LRFN2: variants seen among roughly 807,000 people sequenced by gnomAD.
LRFN2 encodes the protein leucine rich repeat and fibronectin type III domain containing 2, also known as leucine-rich repeat and fibronectin type-III domain-containing protein 2.
In LRFN2, 18 loss-of-function variants were observed where a neutral mutation model predicts 37.3. The observed-to-expected ratio is 0.48, with a 90% confidence interval of 0.33 to 0.72. The LOEUF (loss-of-function observed/expected upper bound fraction) is 0.72. Among genes scored for constraint, LRFN2 ranks in the 30% least tolerant of loss-of-function variants. The pLI, the probability that LRFN2 is intolerant of heterozygous loss-of-function variation, is 0.02. For missense variants in LRFN2, 1,006 were observed against 1,060.7 expected, an observed-to-expected ratio of 0.95 and a Z score of 0.72; for synonymous variants, 556 against 466.6, an observed-to-expected ratio of 1.19 and a Z score of -2.47.
chr6:40,533,395 A>T (rs2113910801), intron 1 of LRFN2, among the ~76,000 whole-genome samples: 1 of 151,874 alleles, frequency 6.6e-6, no homozygotes, highest in East Asian at 1.9e-4. Flanking sequence ...ACACACACAC[A>T]CACACACACA....
chr6:40,394,167 C>A (rs1762569472), intron 2 of LRFN2, among the ~76,000 whole-genome samples: 2 of 152,128 alleles, frequency 1.3e-5, no homozygotes, highest in South Asian at 4.1e-4. Flanking sequence ...CCTCTCCTGC[C>A]TGGAACTCCT....
At chr6:40,562,470 G>C (rs1355712077) in intron 1 of LRFN2, among the ~76,000 whole-genome samples, 1 of 151,998 alleles carries the variant, frequency 6.6e-6, no homozygotes, top group Non-Finnish European at 1.5e-5. Context: ...AAGGGAGGGG[G>C]AGAGAAGGGA....
At chr6:40,403,575 T>C (rs2113798932) in intron 2 of LRFN2, among the ~76,000 whole-genome samples, 1 of 152,286 alleles carries the variant, frequency 6.6e-6, no homozygotes, top group East Asian at 1.9e-4. Flanking sequence ...TTCCTTTCAA[T>C]ATGATTGAGG....
intron 1 of LRFN2, among the ~76,000 whole-genome samples, chr6:40,520,494 T>C (rs1766029600): frequency 2.6e-5 from 4 of 152,120 alleles, no homozygotes. Context: ...CCCCCTCCCT[T>C]GCAGACTTGG....
chr6:40,534,215 T>C (rs1270834843), intron 1 of LRFN2, among the ~76,000 whole-genome samples: 1 of 152,186 alleles, frequency 6.6e-6, no homozygotes, highest in African/African-American at 2.4e-5. Context: ...ATGTGACCAG[T>C]CACTTCTGCT....
chr6:40,568,394 T>C (rs537574870), intron 1 of LRFN2, among the ~76,000 whole-genome samples: 11 of 152,300 alleles, frequency 7.2e-5, no homozygotes, highest in African/African-American at 2.4e-4. Context: ...CAGCAGCTTC[T>C]CTGCATCAAG....
In LRFN2 at chr6:40,432,323, G is replaced by A. The variant is rs1410522328; in HGVS notation, c.791C>T (p.Thr264Ile). The A allele has an allele frequency of 6.2e-7, 1 of 1,614,140 alleles. No individual in the cohort carries two copies. The highest frequency in any genetic ancestry group is 1.1e-5 in the South Asian group (1 of 91,084). ...CTTGAGGCCCCCTGGGGAGCCACAG[G>A]TTTCCAGGTCATCGTCCCGCTCGAG... ...RRLERDDDLETCGSPGGLKGR... is the reference protein window; with the variant it reads ...RRLERDDDLEICGSPGGLKGR... Residue 264 changes from threonine to isoleucine, a missense_variant, in exon 2 of 3, where the codon ACC becomes ATC. Thr to Ile is a moderately conservative substitution (Grantham distance 89). Around this residue, in one of 4 missense-constraint regions of LRFN2, gnomAD observed 303 missense variants for 299.8 expected, o/e 1.01. Coordinates refer to ENST00000338305, the MANE Select transcript of LRFN2 (RefSeq NM_020737.3).
intron 1 of LRFN2, among the ~76,000 whole-genome samples, chr6:40,510,259 C>T (rs952092085): frequency 1.4e-4 from 21 of 152,088 alleles, no homozygotes; most frequent in East Asian, 7.7e-4. Flanking sequence ...TAGGCCATGA[C>T]GGGAATCCTA....
Position 40,432,621 on chromosome 6 carries a change from G to GC in LRFN2, c.492dup (p.Pro165AlafsTer51). ...ACCATGCGTCGCACGGAGTCCCACG[G>GC]CAGGCCATGGAGGTTGTTGTAGGAG... On this transcript the variant is annotated frameshift_variant, in exon 2 of 3. Coordinates refer to ENST00000338305, the MANE Select transcript of LRFN2 (RefSeq NM_020737.3). LOFTEE classifies it high-confidence loss of function. The GC allele has an allele frequency of 6.2e-7, 1 of 1,614,186 alleles. No homozygotes were observed. The highest frequency in any genetic ancestry group is 8.5e-7 in the Non-Finnish European group (1 of 1,180,036).
intron 1 of LRFN2, among the ~76,000 whole-genome samples, chr6:40,501,018 G>A (rs1396245542): frequency 2.7e-5 from 4 of 149,954 alleles, no homozygotes; most frequent in Admixed American, 6.6e-5. Context: ...TGATAATACA[G>A]GTACAACCAT....
At chr6:40,554,561 A>G (rs1210626399) in intron 1 of LRFN2, among the ~76,000 whole-genome samples, 1 of 152,222 alleles carries the variant, frequency 6.6e-6, no homozygotes, top group Non-Finnish European at 1.5e-5. Flanking sequence ...TCGCTTCCCA[A>G]GAGCAATCAC....
At chr6:40,569,830 A>G (rs1561911310) in intron 1 of LRFN2, among the ~76,000 whole-genome samples, 2 of 151,988 alleles carry the variant, frequency 1.3e-5, no homozygotes, top group Non-Finnish European at 2.9e-5. Flanking sequence ...CAGGGCCTCT[A>G]TCAACTTCCC....
intron 2 of LRFN2, among the ~76,000 whole-genome samples, chr6:40,415,121 C>CT (rs1160301831): frequency 6.6e-6 from 1 of 152,228 alleles, no homozygotes; most frequent in Non-Finnish European, 1.5e-5. Flanking sequence ...CCCCAGACAA[C>CT]TTTCTGCTCC....
At chr6:40,533,103 T>C (rs1766377501) in intron 1 of LRFN2, among the ~76,000 whole-genome samples, 1 of 152,132 alleles carries the variant, frequency 6.6e-6, no homozygotes, top group African/African-American at 2.4e-5. Context: ...TTTTACCCAT[T>C]GAGTATTTTA....
chr6:40,571,744 T>G (rs905660803), intron 1 of LRFN2, among the ~76,000 whole-genome samples: 6 of 152,134 alleles, frequency 3.9e-5, no homozygotes, highest in African/African-American at 1.2e-4. Flanking sequence ...CCCCAAATCA[T>G]GTGATGCCCC....
chr6:40,476,214 A>G (rs1764706161), intron 1 of LRFN2, among the ~76,000 whole-genome samples: 1 of 152,176 alleles, frequency 6.6e-6, no homozygotes, highest in African/African-American at 2.4e-5. Flanking sequence ...TAAAGTATGA[A>G]GGCCTTTTCC....
chr6:40,467,307 G>A (rs1249815920), intron 1 of LRFN2, among the ~76,000 whole-genome samples: 2 of 152,022 alleles, frequency 1.3e-5, no homozygotes, highest in African/African-American at 4.8e-5. Context: ...GAACTGAGGG[G>A]AGAGCTTTCT....
intron 1 of LRFN2, among the ~76,000 whole-genome samples, chr6:40,526,491 C>A (rs1766256895): frequency 2.0e-5 from 3 of 152,190 alleles, no homozygotes; most frequent in African/African-American, 7.2e-5. Flanking sequence ...GAATGAGTAC[C>A]TGTCTTTAGC....
chr6:40,571,216 T>C (rs980155770), intron 1 of LRFN2, among the ~76,000 whole-genome samples: 10 of 152,252 alleles, frequency 6.6e-5, no homozygotes, highest in African/African-American at 2.2e-4. Flanking sequence ...AGCTAGCCTC[T>C]GTCACCTAGC....
Sources: gnomAD v4.1 joint callset for allele counts (sites outside exome capture counted in the v4.1 genomes callset) on GRCh38, gnomAD v4.1.1 for gene constraint, gnomAD v4.1.1 regional missense constraint, MANE v1.5 for transcripts, NCBI Gene and HGNC (gene_info 2026-07-23, HGNC 2026-07-21) for gene names.